CSMD1: variants seen among roughly 807,000 people sequenced by gnomAD.
CSMD1 encodes the protein CUB and sushi domain-containing protein 1.
A neutral mutation model predicts 417.5 loss-of-function variants in CSMD1; 213 were observed. The ratio of observed to expected loss-of-function variants is 0.51; its 90% CI spans 0.46 to 0.57. The LOEUF (loss-of-function observed/expected upper bound fraction) is 0.57. Ranked by LOEUF, CSMD1 falls within the 20% of genes least tolerant of loss-of-function variation. The pLI is 0.00. For synonymous variants in CSMD1, 2,862 were observed against 1,736.8 expected, an observed-to-expected ratio of 1.65 and a Z score of -16.11; for missense variants, 6,923 against 4,529.7, an observed-to-expected ratio of 1.53 and a Z score of -15.17.
chr8:4,662,275 G>C (rs928593097), intron 1 of CSMD1, among the ~76,000 whole-genome samples: 1 of 151,772 alleles, frequency 6.6e-6, no homozygotes, highest in Non-Finnish European at 1.5e-5. Flanking sequence ...TTATTTTGTA[G>C]ACAAATAAGA....
chr8:3,678,349 G>T (rs1357665764), intron 7 of CSMD1, among the ~76,000 whole-genome samples: 1 of 152,214 alleles, frequency 6.6e-6, no homozygotes, highest in Non-Finnish European at 1.5e-5. Flanking sequence ...TAAAGGACCT[G>T]ATGGAGCTGA....
At chr8:4,070,788 T>C (rs962650533) in intron 3 of CSMD1, among the ~76,000 whole-genome samples, 1 of 152,174 alleles carries the variant, frequency 6.6e-6, no homozygotes. Context: ...TCATAAGCTG[T>C]CATAGCTTCC....
intron 12 of CSMD1, among the ~76,000 whole-genome samples, chr8:3,467,440 T>C (rs1481240137): frequency 1.3e-5 from 2 of 152,210 alleles, no homozygotes; most frequent in Admixed American, 1.3e-4. Context: ...CACATAAAAG[T>C]TCAATTGAAG....
intron 18 of CSMD1, among the ~76,000 whole-genome samples, chr8:3,376,715 A>C (rs1017862812): frequency 3.3e-5 from 5 of 152,280 alleles, no homozygotes; most frequent in Admixed American, 3.3e-4. Flanking sequence ...AATGTTAAAA[A>C]CACACTGAAC....
At chr8:3,153,865 C>G (rs977114705) in intron 39 of CSMD1, among the ~76,000 whole-genome samples, 14 of 152,164 alleles carry the variant, frequency 9.2e-5, no homozygotes, top group African/African-American at 3.4e-4. Flanking sequence ...TAGTTAAAAC[C>G]ACGGTAATCC....
chr8:3,393,242 A>C (rs561585586), intron 17 of CSMD1, among the ~76,000 whole-genome samples: 1 of 152,298 alleles, frequency 6.6e-6, no homozygotes, highest in South Asian at 2.1e-4. Context: ...CTTTGAAGTC[A>C]CAGTGCTGGA....
intron 5 of CSMD1, among the ~76,000 whole-genome samples, chr8:3,899,264 G>A (rs1027482807): frequency 6.6e-6 from 1 of 152,164 alleles, no homozygotes; most frequent in African/African-American, 2.4e-5. Context: ...CAAGGGAAAG[G>A]AGCTCCCCGC....
chr8:3,700,304 T>G (rs373456210), intron 7 of CSMD1, among the ~76,000 whole-genome samples: 1 of 152,310 alleles, frequency 6.6e-6, no homozygotes, highest in East Asian at 1.9e-4. Context: ...CCTGCCCTCA[T>G]GTAGTTCAGT....
intron 10 of CSMD1, among the ~76,000 whole-genome samples, chr8:3,569,446 G>T (rs565528385): frequency 6.6e-6 from 1 of 152,134 alleles, no homozygotes; most frequent in Non-Finnish European, 1.5e-5. Context: ...AGGATTAAAT[G>T]TTTCAAAAAA....
intron 1 of CSMD1, among the ~76,000 whole-genome samples, chr8:4,951,358 A>C (rs990254593): frequency 1.3e-5 from 2 of 151,952 alleles, no homozygotes; most frequent in African/African-American, 4.8e-5. Flanking sequence ...CTCTGCTCTT[A>C]ATTGCTAATT....
At chr8:4,671,763 G>A (rs946513029) in intron 1 of CSMD1, among the ~76,000 whole-genome samples, 27 of 152,034 alleles carry the variant, frequency 1.8e-4, no homozygotes, top group African/African-American at 5.3e-4. Context: ...GTGCTTGCAC[G>A]CTCACAAGCA....
intron 5 of CSMD1, among the ~76,000 whole-genome samples, chr8:3,992,122 A>G (rs1485012788): frequency 7.0e-6 from 1 of 142,840 alleles, no homozygotes; most frequent in Non-Finnish European, 1.6e-5. Flanking sequence ...ATGTGTATAT[A>G]TATGTGTGTG....
intron 2 of CSMD1, among the ~76,000 whole-genome samples, chr8:4,487,000 CGAGGTGCT>C (rs1428077595): frequency 1.3e-5 from 2 of 152,128 alleles, no homozygotes; most frequent in Admixed American, 1.3e-4. Context: ...CCTTCCACAT[CGAGGTGCT>C]GAGGCTAAAC....
At chr8:4,084,507 C>G (rs1800315448) in intron 3 of CSMD1, among the ~76,000 whole-genome samples, 1 of 152,038 alleles carries the variant, frequency 6.6e-6, no homozygotes, top group Non-Finnish European at 1.5e-5. Flanking sequence ...ACATTTTAAT[C>G]CTGTTTTTAT....
In CSMD1 at chr8:4,527,089, G is replaced by A. The variant is rs994124126; in HGVS notation, c.303-107024C>T. On this transcript the variant is annotated intron_variant, in intron 2 of 69. Coordinates refer to ENST00000635120, the MANE Select transcript of CSMD1 (RefSeq NM_033225.6). The stretch of plus-strand genomic sequence containing the variant: ...TGGATCCAAGACATAATTTTTTTCA[G>A]AAGCTTCGGAGGATTCTAACTTGCT... 2.0e-5 allele frequency among the ~76,000 whole-genome samples: 3 copies of A among 152,032 alleles called. No individual in the cohort carries two copies. The South Asian group carries it at 6.2e-4, about 32-fold the overall frequency.
At chr8:4,955,193 G>A (rs1414337035) in intron 1 of CSMD1, among the ~76,000 whole-genome samples, 2 of 152,092 alleles carry the variant, frequency 1.3e-5, no homozygotes, top group African/African-American at 4.8e-5. Flanking sequence ...GTTCCCGTTG[G>A]CTTCTACCCA....
chr8:3,540,906 C>A (rs537372659), intron 10 of CSMD1, among the ~76,000 whole-genome samples: 8 of 152,242 alleles, frequency 5.3e-5, no homozygotes, highest in African/African-American at 1.7e-4. Context: ...TGTGGAGAAA[C>A]AGAAACTCTT....
chr8:4,459,980 T>G (rs905236271), intron 2 of CSMD1, among the ~76,000 whole-genome samples: 1 of 152,080 alleles, frequency 6.6e-6, no homozygotes, highest in Non-Finnish European at 1.5e-5. Context: ...AAAATGACCA[T>G]CAGACTAGAC....
Position 2,974,772 on chromosome 8 carries a change from A to G in CSMD1, c.8567-148T>C, listed in dbSNP as rs375600073. ...GGTACTTATGTAATTTGTGAGAAATACCAATTTTCAGATGACACTTCCTCC... is the reference window on the plus strand; with the variant it reads ...GGTACTTATGTAATTTGTGAGAAATGCCAATTTTCAGATGACACTTCCTCC... On this transcript the variant is annotated intron_variant, in intron 55 of 69. Coordinates refer to ENST00000635120, the MANE Select transcript of CSMD1 (RefSeq NM_033225.6). 20 of 497,172 alleles carry G rather than the reference A, an allele frequency of 4.0e-5. No homozygotes were observed. The South Asian group carries it at 1.3e-3, about 32-fold the overall frequency. The allele number at this position is 497,172 out of a possible 1,614,324, so 30.8% of individuals were successfully genotyped here.
Sources: gnomAD v4.1 joint callset for allele counts (sites outside exome capture counted in the v4.1 genomes callset) on GRCh38, gnomAD v4.1.1 for gene constraint, MANE v1.5 for transcripts, NCBI Gene and HGNC (gene_info 2026-07-23, HGNC 2026-07-21) for gene names.